Variants in PAOX observed in about 807,000 individuals in gnomAD.
The protein encoded by PAOX is polyamine oxidase.
A neutral mutation model predicts 39.0 loss-of-function variants in PAOX; 38 were observed. The ratio of observed to expected loss-of-function variants is 0.97; its 90% CI spans 0.75 to 1.28. PAOX has a LOEUF of 1.28. Ranked by LOEUF, PAOX falls within the 50% of genes most tolerant of loss-of-function variation. PAOX has a pLI of 0.00. For synonymous variants in PAOX, 311 were observed against 314.4 expected (o/e 0.99, Z 0.11); for missense variants, 667 against 685.7 (o/e 0.97, Z 0.30).
At chr10:133,380,990 A>AAG (rs1382682457) in intron 2 of PAOX, among the ~76,000 whole-genome samples, 1 of 152,226 alleles carries the variant, frequency 6.6e-6, no homozygotes, top group Admixed American at 6.5e-5. Flanking sequence ...AAGAGAAAAA[A>AAG]AGAAGAAGAG....
rs751242753 is a variant in PAOX, at chr10:133,389,575, G to A, written c.1235-15G>A. ...TGAGAGTTCTCGGTTAACATGCAGTGTCTCTGTGGCTCAGGAAACCCACGG... is the reference window on the plus strand; with the variant it reads ...TGAGAGTTCTCGGTTAACATGCAGTATCTCTGTGGCTCAGGAAACCCACGG... On this transcript the variant is annotated splice_polypyrimidine_tract_variant and intron_variant, in intron 5 of 6. Coordinates refer to ENST00000278060, the MANE Select transcript of PAOX (RefSeq NM_152911.4). The A allele has an allele frequency of 6.2e-7, 1 of 1,613,860 alleles. No individual in the cohort carries two copies. Among genetic ancestry groups the A allele is most frequent in the Non-Finnish European group, 8.5e-7 (1 of 1,179,988 alleles).
In PAOX at chr10:133,384,302, G is replaced by GGTATTTCT; in HGVS notation, c.1121+91_1121+98dup. On this transcript the variant is annotated intron_variant, in intron 4 of 6. Transcript: ENST00000278060. The surrounding 1 kb of genome is among the most constrained non-coding windows in gnomAD (Gnocchi z 4.3). ...GCAGCAGTGTGTCTGTTCACTGCAG[G>GGTATTTCT]GTATTTCTAGGGGGTTTAATGGGTA... The GGTATTTCT allele has an allele frequency of 6.5e-7, 1 of 1,530,608 alleles. No homozygotes were observed. Among genetic ancestry groups the GGTATTTCT allele is most frequent in the Non-Finnish European group, 8.8e-7 (1 of 1,131,008 alleles). The allele number at this position is 1,530,608 out of a possible 1,614,324, so 94.8% of individuals were successfully genotyped here. A position where few individuals can be genotyped will look rare whatever the true frequency, so the allele number is the denominator to read the frequency against.
Position 133,379,504 on chromosome 10 carries a change from GC to G in PAOX, c.181+11del. On this transcript the variant is annotated splice_region_variant and intron_variant, in intron 1 of 6. Coordinates refer to ENST00000278060, the MANE Select transcript of PAOX (RefSeq NM_152911.4). ...CGCTCGGAGCGCTGCTTCGGTAACC[GC>G]CCCTCCCGGAGCCCCTCCCGGAACC... is the stretch of plus-strand genomic sequence containing the variant. 8.2e-7 allele frequency: 1 copy of G among 1,225,418 alleles called. No individual in the cohort carries two copies. The highest frequency in any genetic ancestry group is 1.0e-6 in the Non-Finnish European group (1 of 983,990). The allele number at this position is 1,225,418 out of a possible 1,614,324, so 75.9% of individuals were successfully genotyped here.
intron 6 of PAOX, chr10:133,391,040 G>A (rs775114064): frequency 1.4e-5 from 10 of 697,628 alleles, no homozygotes; most frequent in Admixed American, 6.0e-5. Context: ...CGTGTGAGCC[G>A]TTTTCCCGCC....
At position 133,379,313 on chromosome 10, in the gene PAOX, C is replaced by T; in HGVS notation, c.-4C>T. ...AGAAGCCCTCGGACTGCCCGGACCG[C>T]GCGATGGAGTCGACCGGCAGCGTCG... is the stretch of plus-strand genomic sequence containing the variant. On this transcript the variant is annotated 5_prime_UTR_variant, in exon 1 of 7. Transcript: ENST00000278060. 8.2e-7 allele frequency: 1 copy of T among 1,216,058 alleles called. No homozygotes were observed. The highest frequency in any genetic ancestry group is 1.0e-6 in the Non-Finnish European group (1 of 978,150). The allele number at this position is 1,216,058 out of a possible 1,614,324, so 75.3% of individuals were successfully genotyped here.
intron 6 of PAOX, 111 bp downstream of exon 6, chr10:133,389,858 C>T (rs937323542): frequency 2.5e-5 from 29 of 1,181,908 alleles, no homozygotes; most frequent in Non-Finnish European, 2.6e-5. Flanking sequence ...ATCCCAGACT[C>T]GGAAGCCATT....
chr10:133,389,171 G>A (rs955595531), intron 5 of PAOX, 103 bp downstream of exon 5: 4 of 905,732 alleles, frequency 4.4e-6, no homozygotes, highest in African/African-American at 3.3e-5. Flanking sequence ...AAATTTGGCT[G>A]ACTCTGTACA....
intron 4 of PAOX, among the ~76,000 whole-genome samples, chr10:133,388,120 A>AT (rs34257369): frequency 6.6e-6 from 1 of 152,098 alleles, no homozygotes; most frequent in Admixed American, 6.6e-5. Flanking sequence ...TGAAAGCAGC[A>AT]TTTTTATTTA....
intron 4 of PAOX, among the ~76,000 whole-genome samples, chr10:133,387,149 G>C (rs1201164079): frequency 6.6e-6 from 1 of 152,088 alleles, no homozygotes; most frequent in African/African-American, 2.4e-5. Context: ...ATGTGGTGGT[G>C]CGTGCCTGTG....
rs905084187 is a variant in PAOX, at chr10:133,384,827, G to A, written c.1121+615G>A. 1.3e-5 allele frequency among the ~76,000 whole-genome samples: 2 copies of A among 152,202 alleles called. No homozygotes were observed. The highest frequency in any genetic ancestry group is 2.9e-5 in the Non-Finnish European group (2 of 68,042). On this transcript the variant is annotated intron_variant, in intron 4 of 6. Coordinates refer to ENST00000278060, the MANE Select transcript of PAOX (RefSeq NM_152911.4). This position sits in a 1 kb window ranked among gnomAD's most constrained non-coding sequence, Gnocchi z 4.3. The stretch of plus-strand genomic sequence containing the variant: ...TTCCACGTTTCCACTGAGAGATGCC[G>A]CAGGAGGGGGCACCAAGTTCTTGTT...
intron 4 of PAOX, among the ~76,000 whole-genome samples, chr10:133,388,438 C>T (rs1265254800): frequency 2.6e-5 from 4 of 152,238 alleles, no homozygotes; most frequent in Non-Finnish European, 2.9e-5. Flanking sequence ...ATCCATGTCC[C>T]TGCAAAGGAC....
At chr10:133,388,800 C>T (rs780391394) in intron 4 of PAOX, among the ~76,000 whole-genome samples, 156 bp from the exon 5 acceptor site, 17 of 152,118 alleles carry the variant, frequency 1.1e-4, no homozygotes, top group Admixed American at 2.0e-4. Context: ...GAAACGCGGG[C>T]GGAGAGCTGG....
Position 133,379,380 on chromosome 10 carries a change from G to T in PAOX, c.64G>T (p.Gly22Cys). The T allele has an allele frequency of 8.2e-7, 1 of 1,220,796 alleles. No homozygotes were observed. Among genetic ancestry groups the T allele is most frequent in the South Asian group, 4.1e-5 (1 of 24,208 alleles). 75.6% of individuals were successfully genotyped at this position (1,220,796 alleles called of 1,614,324 possible). A position where few individuals can be genotyped will look rare whatever the true frequency, so the allele number is the denominator to read the frequency against. ...ACCCCGGGTGCTGGTGGTGGGCGGC[G>T]GCATCGCGGGGCTGGGCGCGGCGCA... ...GGPRVLVVGG[G>C]IAGLGAAQRL... Residue 22 changes from glycine to cysteine, a missense_variant, in exon 1 of 7, where the codon GGC (glycine) becomes TGC (cysteine). Gly to Cys is a radical substitution (Grantham distance 159). Coordinates refer to ENST00000278060, the MANE Select transcript of PAOX (RefSeq NM_152911.4).
chr10:133,389,139 C>G, intron 5 of PAOX, 71 bp downstream of exon 5: 1 of 1,290,818 alleles, frequency 7.7e-7, no homozygotes, highest in Middle Eastern at 1.9e-4. Context: ...AGAAACTAGA[C>G]TTTGCAGAAC....
Position 133,391,596 on chromosome 10 carries a change from G to A in PAOX, c.*141G>A. 3 of 1,286,452 alleles carry A rather than the reference G, an allele frequency of 2.3e-6. No homozygotes were observed. Among genetic ancestry groups the A allele is most frequent in the Non-Finnish European group, 3.2e-6 (3 of 952,136 alleles). 79.7% of individuals were successfully genotyped at this position (1,286,452 alleles called of 1,614,324 possible). On this transcript the variant is annotated 3_prime_UTR_variant, in exon 7 of 7. Coordinates refer to ENST00000278060, the MANE Select transcript of PAOX (RefSeq NM_152911.4). The stretch of plus-strand genomic sequence containing the variant: ...TTTGGTAACCAGGGCCACCTTCTCA[G>A]TTCTTGTGTCTGTTATTGGAGTCTG...
At position 133,391,519 on chromosome 10, in the gene PAOX, C is replaced by A; in HGVS notation, c.*64C>A. 1 of 1,532,326 alleles carries A rather than the reference C, an allele frequency of 6.5e-7. No individual in the cohort carries two copies. 94.9% of individuals were successfully genotyped at this position (1,532,326 alleles called of 1,614,324 possible). ...AGGCTGGGACCCTCATTTCTTCTGACAGATTTCAGTCTGGCTTGAAATTTG... is the reference window on the plus strand; with the variant it reads ...AGGCTGGGACCCTCATTTCTTCTGAAAGATTTCAGTCTGGCTTGAAATTTG... On this transcript the variant is annotated 3_prime_UTR_variant, in exon 7 of 7. Coordinates refer to ENST00000278060, the MANE Select transcript of PAOX (RefSeq NM_152911.4).
At chr10:133,383,200 G>C (rs1023734534) in intron 3 of PAOX, among the ~76,000 whole-genome samples, 2 of 152,066 alleles carry the variant, frequency 1.3e-5, no homozygotes, top group Non-Finnish European at 2.9e-5. Flanking sequence ...AAAAAGGAGC[G>C]GGTTAATTTG....
intron 4 of PAOX, among the ~76,000 whole-genome samples, chr10:133,385,882 C>T (rs1261595824): frequency 6.6e-6 from 1 of 152,132 alleles, no homozygotes; most frequent in African/African-American, 2.4e-5. Flanking sequence ...CGCACCCAGT[C>T]ACCACATGAT....
rs370446310 is a variant in PAOX at position 133,384,457 on chromosome 10, C to T, written c.1121+245C>T. On this transcript the variant is annotated intron_variant, in intron 4 of 6. Coordinates refer to ENST00000278060, the MANE Select transcript of PAOX (RefSeq NM_152911.4). This position sits in a 1 kb window ranked among gnomAD's most constrained non-coding sequence, Gnocchi z 4.3. ...GGCCCAGAATGTGTTTGTAGACTTG[C>T]AGGCAGGCTCAGTCTTCAGTCAGTG... 7.2e-5 allele frequency among the ~76,000 whole-genome samples: 11 copies of T among 152,208 alleles called. No individual in the cohort carries two copies. The highest frequency in any genetic ancestry group is 2.4e-4 in the African/African-American group (10 of 41,454).
Sources: allele counts gnomAD v4.1 joint callset (sites outside exome capture counted in the v4.1 genomes callset), GRCh38; gene constraint gnomAD v4.1.1; non-coding constraint Gnocchi (gnomAD v3.1); transcripts MANE v1.5; gene names NCBI Gene and HGNC (gene_info 2026-07-23, HGNC 2026-07-21).